EPS15: variants seen among roughly 807,000 people sequenced by gnomAD.
EPS15 encodes epidermal growth factor receptor substrate 15.
Under a neutral mutation model 113.8 loss-of-function variants are expected in EPS15, and 72 were observed. That is an observed-to-expected ratio of 0.63 (90% confidence interval 0.52 to 0.77). The LOEUF is 0.77. Among genes scored for constraint, EPS15 ranks in the 30% least tolerant of loss-of-function variants. EPS15 has a pLI of 0.00. For missense variants in EPS15, 1,048 were observed against 1,045.8 expected, an observed-to-expected ratio of 1.00 and a Z score of -0.03; for synonymous variants, 344 against 363.4, an observed-to-expected ratio of 0.95 and a Z score of 0.61.
intron 21 of EPS15, among the ~76,000 whole-genome samples, chr1:51,383,323 A>G (rs1344462648): frequency 1.3e-5 from 2 of 152,200 alleles, no homozygotes; most frequent in African/African-American, 4.8e-5. Flanking sequence ...AAGGAACAAG[A>G]CAAGGATGCG....
intron 21 of EPS15, among the ~76,000 whole-genome samples, chr1:51,385,880 G>C (rs1647054969): frequency 6.6e-6 from 1 of 152,088 alleles, no homozygotes; most frequent in South Asian, 2.1e-4. Context: ...TTTGGTGAGA[G>C]GGAGGATAGG....
At chr1:51,379,707 A>G (rs1267686037) in intron 21 of EPS15, among the ~76,000 whole-genome samples, 1 of 152,024 alleles carries the variant, frequency 6.6e-6, no homozygotes, top group African/African-American at 2.4e-5. Context: ...ACGTAAGGTC[A>G]GGAGTTTGAG....
intron 3 of EPS15, among the ~76,000 whole-genome samples, chr1:51,472,441 C>CAG (rs1415405604): frequency 1.3e-5 from 2 of 152,066 alleles, no homozygotes; most frequent in Non-Finnish European, 2.9e-5. Flanking sequence ...AAGGAGTAGA[C>CAG]AGGGGAGGGG....
intron 12 of EPS15, among the ~76,000 whole-genome samples, chr1:51,438,882 C>T (rs1436457239): frequency 2.7e-5 from 4 of 150,818 alleles, no homozygotes; most frequent in African/African-American, 7.3e-5. Context: ...TTTTTTTTTC[C>T]GTGAGTAAGG....
chr1:51,377,820 C>T (rs1009921870), intron 21 of EPS15, among the ~76,000 whole-genome samples: 3 of 152,032 alleles, frequency 2.0e-5, no homozygotes, highest in Non-Finnish European at 4.4e-5. Flanking sequence ...GATCAGTCGG[C>T]AGCCACCAAT....
At chr1:51,463,327 G>A (rs1274400483) in intron 7 of EPS15, 1 of 163,828 alleles carries the variant, frequency 6.1e-6, no homozygotes, top group Non-Finnish European at 1.3e-5. Context: ...AAGACACCAT[G>A]ATACAGCCAC....
At chr1:51,357,659 G>GAA (rs35386243) in intron 24 of EPS15, among the ~76,000 whole-genome samples, 7 of 62,090 alleles carry the variant, frequency 1.1e-4, no homozygotes, top group Non-Finnish European at 2.1e-4. Context: ...TAAGAAGCAA[G>GAA]AAAAAAAAAA....
intron 20 of EPS15, among the ~76,000 whole-genome samples, chr1:51,396,352 G>GT (rs957272930): frequency 3.3e-5 from 5 of 151,732 alleles, no homozygotes; most frequent in Non-Finnish European, 5.9e-5. Flanking sequence ...TGGATGTTGG[G>GT]TTTTTTTTCA....
rs1646213310 is a variant in EPS15 at position 51,356,143 on chromosome 1, G to A, written c.*557C>T. The A allele has an allele frequency of 4.8e-6, 1 of 208,072 alleles. No individual in the cohort carries two copies. The highest frequency in any genetic ancestry group is 5.9e-5 in the Admixed American group (1 of 16,894). 12.9% of individuals were successfully genotyped at this position (208,072 alleles called of 1,614,324 possible). A position where few individuals can be genotyped will look rare whatever the true frequency, so the allele number is the denominator to read the frequency against. ...CCTACAGCATCCCTTTTCCATAGTG[G>A]AGTAAATCTGTGCAAAATATTTTTC... On this transcript the variant is annotated 3_prime_UTR_variant, in exon 25 of 25. Transcript: ENST00000371733.
At chr1:51,499,044 T>C (rs528266236) in intron 1 of EPS15, among the ~76,000 whole-genome samples, 8 of 152,292 alleles carry the variant, frequency 5.3e-5, no homozygotes, top group African/African-American at 1.9e-4. Flanking sequence ...CCTTCTACCA[T>C]ATGAGGATGC....
At chr1:51,360,337 C>T (rs942890381) in intron 24 of EPS15, among the ~76,000 whole-genome samples, 4 of 152,060 alleles carry the variant, frequency 2.6e-5, no homozygotes, top group African/African-American at 9.7e-5. Context: ...ATTTGTTACC[C>T]GGTCTAAGAA....
intron 12 of EPS15, 185 bp from the exon 13 acceptor site, chr1:51,422,043 T>C: frequency 1.6e-6 from 2 of 1,259,490 alleles, no homozygotes; most frequent in Middle Eastern, 2.3e-4. Context: ...TAAGCTCCAT[T>C]TGTAAAAAAA....
intron 21 of EPS15, among the ~76,000 whole-genome samples, chr1:51,379,862 G>T (rs1370557906): frequency 6.6e-6 from 1 of 152,096 alleles, no homozygotes; most frequent in Non-Finnish European, 1.5e-5. Context: ...AGGAGTTCAA[G>T]ACCAGCCTGG....
At chr1:51,368,150 TA>T (rs1385396125) in intron 21 of EPS15, among the ~76,000 whole-genome samples, 2 of 151,742 alleles carry the variant, frequency 1.3e-5, no homozygotes, top group Non-Finnish European at 2.9e-5. Context: ...TAAAATAAAA[TA>T]AAAAAAGAAA....
chr1:51,448,061 T>C lies in EPS15; in HGVS notation c.636A>G (p.Pro212=), dbSNP rs138099502. Residue 212 remains proline (P), a synonymous_variant, in exon 9 of 25, where the codon CCA becomes CCG. Coordinates refer to ENST00000371733, the MANE Select transcript of EPS15 (RefSeq NM_001981.3). ...PMSLPPALVP[P]SKRKTWVVSP... ...ATATACTGACCGTTTTTCTCTTAGA[T>C]GGTGGCACCAAGGCTGGAGGCAAGG... is the stretch of plus-strand genomic sequence containing the variant. The C allele has an allele frequency of 1.3e-5, 21 of 1,613,718 alleles. No individual in the cohort carries two copies. Among genetic ancestry groups the C allele is most frequent in the Admixed American group, 1.7e-5 (1 of 59,978 alleles).
chr1:51,388,643 C>T (rs184746729), intron 21 of EPS15, among the ~76,000 whole-genome samples: 4,852 of 152,174 alleles, frequency 0.032, 127 homozygotes, highest in Non-Finnish European at 0.05. Flanking sequence ...GATATCACCA[C>T]CGATCCCACA....
intron 13 of EPS15, among the ~76,000 whole-genome samples, chr1:51,421,581 A>G (rs1459247391): frequency 6.6e-6 from 1 of 152,174 alleles, no homozygotes; most frequent in Non-Finnish European, 1.5e-5. Context: ...GCTGAAAAAT[A>G]CTGCTTTCTC....
chr1:51,452,889 C>T (rs1653689952), intron 8 of EPS15, among the ~76,000 whole-genome samples: 1 of 152,186 alleles, frequency 6.6e-6, no homozygotes, highest in African/African-American at 2.4e-5. Flanking sequence ...GGCCCCTGCA[C>T]TCAGAATTTT....
At chr1:51,501,635 C>T (rs1303738973) in intron 1 of EPS15, among the ~76,000 whole-genome samples, 2 of 151,732 alleles carry the variant, frequency 1.3e-5, no homozygotes, top group Non-Finnish European at 2.9e-5. Context: ...TCTGCCACCA[C>T]GCCCAGCTAA....
Sources: gnomAD v4.1 joint callset for allele counts (sites outside exome capture counted in the v4.1 genomes callset) on GRCh38, gnomAD v4.1.1 for gene constraint, MANE v1.5 for transcripts, NCBI Gene and HGNC (gene_info 2026-07-23, HGNC 2026-07-21) for gene names.